The following RANBP2 variants were observed in gnomAD, a reference collection of about 807,000 sequenced individuals.
The protein encoded by RANBP2 is RAN binding protein 2.
In RANBP2, 57 loss-of-function variants were observed where a neutral mutation model predicts 303.6. The ratio of observed to expected loss-of-function variants is 0.19; its 90% confidence interval spans 0.15 to 0.23. The LOEUF is 0.23. RANBP2 is among the 10% of genes least tolerant of loss of function. The pLI, the probability that RANBP2 is intolerant of heterozygous loss-of-function variation, is 1.00. For synonymous variants in RANBP2, 1,167 were observed against 1,301.5 expected (o/e 0.90, Z 2.23); for missense variants, 3,138 against 3,780.8 (o/e 0.83, Z 4.46).
At chr2:108,896,839 A>T in the RANBP2 span, 1 of 1,492,196 alleles carries the variant, frequency 6.7e-7, no homozygotes. Context: ...TTTTGGCACC[A>T]CTCACAGCTC....
chr2:109,194,943 A>C, the RANBP2 span, among the ~76,000 whole-genome samples: 3 of 151,950 alleles, frequency 2.0e-5, no homozygotes, highest in Admixed American at 2.0e-4. Flanking sequence ...GGGAGAAAGT[A>C]GAGGAGCTGG....
At chr2:109,544,409 G>A in the RANBP2 span, 5 of 1,490,292 alleles carry the variant, frequency 3.4e-6, no homozygotes, top group South Asian at 1.4e-5. Context: ...GTATATTATA[G>A]GATATCTGGC....
At chr2:109,429,149 G>A in the RANBP2 span, among the ~76,000 whole-genome samples, 1 of 152,140 alleles carries the variant, frequency 6.6e-6, no homozygotes, top group Non-Finnish European at 1.5e-5. Flanking sequence ...GGCACAAATT[G>A]CTCTTCAGTG....
chr2:109,699,246 C>T, the RANBP2 span, among the ~76,000 whole-genome samples: 7 of 152,196 alleles, frequency 4.6e-5, no homozygotes, highest in South Asian at 2.1e-4. Flanking sequence ...GAGCTCCAAA[C>T]GCCCTTTCTT....
chr2:109,044,730 G>C, the RANBP2 span, among the ~76,000 whole-genome samples: 8 of 152,040 alleles, frequency 5.3e-5, no homozygotes. Context: ...GTGGAGCTAG[G>C]GGAGAGAGAC....
chr2:109,008,999 T>A, the RANBP2 span, among the ~76,000 whole-genome samples: 48 of 152,106 alleles, frequency 3.2e-4, no homozygotes, highest in African/African-American at 1.1e-3. Context: ...GATAAAAAGA[T>A]ACCTAATTAA....
At chr2:108,910,391 C>G in the RANBP2 span, 1 of 1,323,380 alleles carries the variant, frequency 7.6e-7, no homozygotes, top group Non-Finnish European at 1.1e-6. Flanking sequence ...CGGCTGCACC[C>G]TGGTTCCCCT....
At chr2:109,399,044 G>A in the RANBP2 span, 330 of 1,287,494 alleles carry the variant, frequency 2.6e-4, no homozygotes, top group Middle Eastern at 4.5e-4. Context: ...CATGGAGGCC[G>A]CCCCAGAACT....
the RANBP2 span, among the ~76,000 whole-genome samples, chr2:109,566,943 G>A: frequency 6.6e-6 from 1 of 151,966 alleles, no homozygotes; most frequent in Non-Finnish European, 1.5e-5. Context: ...TTCTAGTTGA[G>A]CACAAGAAAT....
chr2:109,309,437 C>T, the RANBP2 span, among the ~76,000 whole-genome samples: 4 of 131,512 alleles, frequency 3.0e-5, no homozygotes, highest in Admixed American at 2.9e-4. Context: ...CAAGAAACTG[C>T]ATCAACTAAC....
the RANBP2 span, among the ~76,000 whole-genome samples, chr2:109,342,980 A>G: frequency 6.6e-6 from 1 of 152,144 alleles, no homozygotes; most frequent in Non-Finnish European, 1.5e-5. Context: ...AGCCCAAATA[A>G]TGGCGGCTTA....
chr2:109,449,524 A>T, the RANBP2 span: 2 of 1,600,638 alleles, frequency 1.2e-6, no homozygotes, highest in Middle Eastern at 1.7e-4. Context: ...CCTGGGCTCG[A>T]GGCCAGCTGC....
At chr2:109,489,743 G>T in the RANBP2 span, among the ~76,000 whole-genome samples, 9 of 127,124 alleles carry the variant, frequency 7.1e-5, no homozygotes, top group Admixed American at 2.7e-4. Flanking sequence ...TTTTTGGCGG[G>T]GGGTGGGCGG....
chr2:109,307,439 A>G, the RANBP2 span, among the ~76,000 whole-genome samples: 1 of 135,028 alleles, frequency 7.4e-6, no homozygotes, highest in South Asian at 2.3e-4. Flanking sequence ...TTTTATTATT[A>G]TACTTTAAGT....
chr2:109,655,232 G>A, the RANBP2 span, among the ~76,000 whole-genome samples: 2 of 152,092 alleles, frequency 1.3e-5, no homozygotes, highest in Non-Finnish European at 2.9e-5. Flanking sequence ...TACCAGATAT[G>A]TCCTGCCAGG....
the RANBP2 span, chr2:108,923,464 G>A: frequency 6.2e-7 from 1 of 1,613,648 alleles, no homozygotes; most frequent in East Asian, 2.2e-5. Flanking sequence ...CTACGGGGGA[G>A]AGACAAGACA....
At chr2:108,806,747 T>C in the RANBP2 span, among the ~76,000 whole-genome samples, 1 of 152,228 alleles carries the variant, frequency 6.6e-6, no homozygotes, top group East Asian at 1.9e-4. Flanking sequence ...GAAAAAGATA[T>C]GTTATTTCTG....
the RANBP2 span, among the ~76,000 whole-genome samples, chr2:109,726,192 T>C: frequency 6.6e-6 from 1 of 151,160 alleles, no homozygotes; most frequent in East Asian, 2.0e-4. Context: ...GCGGATCACT[T>C]GAGGTCAGAA....
In RANBP2 at chr2:108,728,169, G is replaced by A. The variant is rs185463867; in HGVS notation, c.73-963G>A. Among the ~76,000 whole-genome samples the A allele has an allele frequency of 5.0e-3, 762 of 152,328 alleles. 4 individuals are homozygous for A. Among genetic ancestry groups the A allele is most frequent in the South Asian group, 0.021 (102 of 4,826 alleles). Reference sequence around the variant, plus strand: ...TTCTGGAATACCTTTCCTCCCCAAAGAAAGCTGGTTTCTTTTGTTTGTTAA... The same window carrying A: ...TTCTGGAATACCTTTCCTCCCCAAAAAAAGCTGGTTTCTTTTGTTTGTTAA... On this transcript the variant is annotated intron_variant, in intron 1 of 28. Transcript: ENST00000283195.
Sources: gnomAD v4.1 joint callset for allele counts (sites outside exome capture counted in the v4.1 genomes callset) on GRCh38, gnomAD v4.1.1 for gene constraint, MANE v1.5 for transcripts, NCBI Gene and HGNC (gene_info 2026-07-23, HGNC 2026-07-21) for gene names.